ARMC2: variants seen among roughly 807,000 people sequenced by gnomAD.
ARMC2 encodes armadillo repeat containing 2.
A neutral mutation model predicts 90.3 loss-of-function variants in ARMC2; 67 were observed. The observed-to-expected ratio is 0.74, with a 90% CI of 0.61 to 0.91. ARMC2 has a LOEUF of 0.91. Among genes scored for constraint, ARMC2 ranks in the 40% least tolerant of loss-of-function variants. The pLI, the probability that ARMC2 is intolerant of heterozygous loss-of-function variation, is 0.00. For missense variants in ARMC2, 920 were observed against 1,030.9 expected (o/e 0.89, Z 1.47); for synonymous variants, 393 against 393.0 (o/e 1.00, Z 0.00).
intron 3 of ARMC2, among the ~76,000 whole-genome samples, chr6:108,860,124 GT>G (rs201774558): frequency 1.3e-5 from 2 of 149,164 alleles, no homozygotes; most frequent in South Asian, 2.1e-4. Context: ...CCTTTATTGA[GT>G]TTTTTTTTCA....
rs758718481 is a variant in ARMC2, at chr6:108,876,217, A to G, written c.538A>G (p.Thr180Ala). 32 of 1,612,886 alleles carry G rather than the reference A, an allele frequency of 2.0e-5. No homozygotes were observed. The highest frequency in any genetic ancestry group is 2.6e-5 in the Non-Finnish European group (31 of 1,179,522). The change falls in exon 5 of 18, where the codon ACA becomes GCA. Residue 180 changes from threonine (T) to alanine (A), a missense_variant. Transcript: ENST00000392644. The stretch of plus-strand genomic sequence containing the variant: ...GGTGAAAATAAATGGGATTTATTTA[A>G]CAAAATCAAATGCTATTTGCCACTT... ...SMVKINGIYLTKSNAICHLKS... is the reference protein window; with the variant it reads ...SMVKINGIYLAKSNAICHLKS...
intron 13 of ARMC2, among the ~76,000 whole-genome samples, chr6:108,953,876 A>G (rs1323038480): frequency 1.3e-5 from 2 of 152,194 alleles, no homozygotes; most frequent in Non-Finnish European, 2.9e-5. Context: ...ATAACAAAAT[A>G]CCACAGATTG....
the ARMC2 span, among the ~76,000 whole-genome samples, chr6:109,049,091 T>A: frequency 7.9e-5 from 12 of 152,278 alleles, no homozygotes; most frequent in African/African-American, 2.9e-4. Context: ...TCTGCAAGGC[T>A]TTGAGAACAT....
chr6:109,010,290 A>G, the ARMC2 span, among the ~76,000 whole-genome samples: 1 of 152,202 alleles, frequency 6.6e-6, no homozygotes, highest in African/African-American at 2.4e-5. Context: ...AACAACTGAC[A>G]TTGTTGGGCC....
the ARMC2 span, chr6:108,990,855 C>T: frequency 6.2e-7 from 1 of 1,600,324 alleles, no homozygotes; most frequent in Non-Finnish European, 8.6e-7. Context: ...GGGAATAGAA[C>T]AAATGTGAAT....
At chr6:108,909,013 T>C (rs1773112981) in intron 8 of ARMC2, among the ~76,000 whole-genome samples, 1 of 152,206 alleles carries the variant, frequency 6.6e-6, no homozygotes, top group Non-Finnish European at 1.5e-5. Flanking sequence ...GAGATTGCAA[T>C]GAGCCTAGAT....
the ARMC2 span, among the ~76,000 whole-genome samples, chr6:109,029,374 G>A: frequency 6.6e-6 from 1 of 152,156 alleles, no homozygotes; most frequent in African/African-American, 2.4e-5. Context: ...ACTATTCAGA[G>A]CAATTCTTAA....
intron 12 of ARMC2, among the ~76,000 whole-genome samples, chr6:108,947,206 T>C (rs964423648): frequency 6.6e-6 from 1 of 151,986 alleles, no homozygotes; most frequent in South Asian, 2.1e-4. Flanking sequence ...TGGTGACTGC[T>C]TGGTGAGGGG....
the ARMC2 span, among the ~76,000 whole-genome samples, chr6:109,011,734 TCCTC>T: frequency 1.3e-5 from 2 of 151,660 alleles, no homozygotes; most frequent in African/African-American, 4.8e-5. Context: ...GCTCAAGTGA[TCCTC>T]CCACCTCAGC....
chr6:108,959,309 C>T (rs761782060), intron 13 of ARMC2, among the ~76,000 whole-genome samples: 3 of 152,096 alleles, frequency 2.0e-5, no homozygotes, highest in East Asian at 1.9e-4. Context: ...CCAAAGGGGG[C>T]GATACTTAAG....
At chr6:108,983,975 G>A in the ARMC2 span, among the ~76,000 whole-genome samples, 1 of 152,214 alleles carries the variant, frequency 6.6e-6, no homozygotes, top group Non-Finnish European at 1.5e-5. Context: ...TGAGTTGTGG[G>A]CAAGCAAGCA....
chr6:108,926,648 G>C (rs1168500872), intron 10 of ARMC2, among the ~76,000 whole-genome samples: 1 of 152,100 alleles, frequency 6.6e-6, no homozygotes, highest in Admixed American at 6.6e-5. Context: ...TTGCTTGAAT[G>C]GGGGAGGCAG....
chr6:108,929,002 A>G (rs1201276340), intron 11 of ARMC2, among the ~76,000 whole-genome samples: 1 of 152,126 alleles, frequency 6.6e-6, no homozygotes, highest in African/African-American at 2.4e-5. Context: ...GTCAACTTGT[A>G]TTATAGATTA....
chr6:108,907,019 A>G (rs1001788041), intron 8 of ARMC2, among the ~76,000 whole-genome samples: 2 of 152,230 alleles, frequency 1.3e-5, no homozygotes, highest in African/African-American at 4.8e-5. Flanking sequence ...TTTATGTCTT[A>G]AAGTCATAAT....
intron 10 of ARMC2, among the ~76,000 whole-genome samples, chr6:108,914,586 G>A (rs1418584779): frequency 2.0e-5 from 3 of 152,046 alleles, no homozygotes; most frequent in African/African-American, 4.8e-5. Context: ...GCATCCACCC[G>A]AACTTACTCC....
Position 108,936,889 on chromosome 6 carries a change from C to T in ARMC2, c.1497-11C>T. 1.3e-6 allele frequency: 2 copies of T among 1,576,776 alleles called. No homozygotes were observed. The highest frequency in any genetic ancestry group is 1.8e-5 in the Admixed American group (1 of 54,424). On this transcript the variant is annotated splice_polypyrimidine_tract_variant and intron_variant, in intron 11 of 17. Coordinates refer to ENST00000392644, the MANE Select transcript of ARMC2 (RefSeq NM_032131.6). ...AGTTTACCTTTATTTTCCCATTTGGCATTTCTGCAGCAAACTTACTTCTTA... is the reference window on the plus strand; with the variant it reads ...AGTTTACCTTTATTTTCCCATTTGGTATTTCTGCAGCAAACTTACTTCTTA...
intron 10 of ARMC2, among the ~76,000 whole-genome samples, chr6:108,915,945 G>A (rs2128475500): frequency 6.6e-6 from 1 of 152,292 alleles, no homozygotes; most frequent in African/African-American, 2.4e-5. Flanking sequence ...AGATTGGAGG[G>A]CTAAGATCTC....
chr6:109,033,971 T>G, the ARMC2 span, among the ~76,000 whole-genome samples: 1 of 152,158 alleles, frequency 6.6e-6, no homozygotes, highest in Middle Eastern at 3.2e-3. Flanking sequence ...CAAGGATAAA[T>G]TAAATCTCTC....
At chr6:109,005,637 A>G in the ARMC2 span, among the ~76,000 whole-genome samples, 16 of 152,286 alleles carry the variant, frequency 1.1e-4, no homozygotes, top group African/African-American at 3.6e-4. Context: ...CAAGGGTTCT[A>G]TGTAATTCTT....
Sources: allele counts gnomAD v4.1 joint callset (sites outside exome capture counted in the v4.1 genomes callset), GRCh38; gene constraint gnomAD v4.1.1; transcripts MANE v1.5; gene names NCBI Gene and HGNC (gene_info 2026-07-23, HGNC 2026-07-21).